Variants in MYO18B observed in about 807,000 individuals in gnomAD.
MYO18B encodes myosin XVIIIB.
Under a neutral mutation model 273.0 loss-of-function variants are expected in MYO18B, and 204 were observed. That is an observed-to-expected ratio of 0.75 (90% CI 0.67 to 0.84). The LOEUF is 0.84. MYO18B is among the 40% of genes least tolerant of loss of function. The pLI, the probability that MYO18B is intolerant of heterozygous loss-of-function variation, is 0.00. For missense variants in MYO18B, 3,212 were observed against 3,287.6 expected (o/e 0.98, Z 0.56); for synonymous variants, 1,330 against 1,305.7 (o/e 1.02, Z -0.40).
chr22:25,947,360 G>A (rs2092723936), intron 35 of MYO18B, among the ~76,000 whole-genome samples: 1 of 151,948 alleles, frequency 6.6e-6, no homozygotes, highest in South Asian at 2.1e-4. Context: ...AGAGCGCCGG[G>A]ATTTGCATTT....
intron 42 of MYO18B, among the ~76,000 whole-genome samples, chr22:26,008,832 T>G (rs12158670): frequency 2.5e-4 from 38 of 152,340 alleles, no homozygotes; most frequent in Middle Eastern, 3.4e-3. Context: ...CACTGCTCTG[T>G]GGATGAGAGT....
intron 25 of MYO18B, among the ~76,000 whole-genome samples, chr22:25,882,919 C>T (rs545796688): frequency 1.1e-4 from 17 of 152,146 alleles, no homozygotes; most frequent in African/African-American, 4.1e-4. Context: ...TTTTTTGAGA[C>T]AGAATCTCCC....
intron 37 of MYO18B, among the ~76,000 whole-genome samples, chr22:25,951,672 AC>A (rs1199910347): frequency 6.6e-6 from 1 of 152,176 alleles, no homozygotes. Flanking sequence ...CTCTTCTAGA[AC>A]CCTGGCATGC....
chr22:25,927,339 G>A (rs561260331), intron 34 of MYO18B, among the ~76,000 whole-genome samples: 4 of 152,250 alleles, frequency 2.6e-5, no homozygotes, highest in Non-Finnish European at 4.4e-5. Context: ...GTGCCTGGAG[G>A]TATAGGCTTA....
intron 40 of MYO18B, among the ~76,000 whole-genome samples, chr22:25,999,576 C>T (rs61413168): frequency 3.5e-5 from 4 of 112,818 alleles, no homozygotes; most frequent in African/African-American, 6.9e-5. Context: ...CTCCTCTTCC[C>T]CCTCCTCCTC....
At chr22:25,801,538 A>G (rs1456187587) in intron 12 of MYO18B, among the ~76,000 whole-genome samples, 1 of 152,186 alleles carries the variant, frequency 6.6e-6, no homozygotes, top group Non-Finnish European at 1.5e-5. Flanking sequence ...AGTCAGTGGC[A>G]AAAACTGTGG....
At position 25,903,527 on chromosome 22, in the gene MYO18B, G is replaced by A. The variant is rs1231400387; in HGVS notation, c.4948-104G>A. On this transcript the variant is annotated intron_variant, in intron 30 of 43. Coordinates refer to ENST00000335473, the MANE Select transcript of MYO18B (RefSeq NM_032608.7). Reference sequence around the variant, plus strand: ...AGGTGGAAATGGCAGGCATTGGAAAGTGGAAAACGCCACTCCAGCCCCAGT... The same window carrying A: ...AGGTGGAAATGGCAGGCATTGGAAAATGGAAAACGCCACTCCAGCCCCAGT... 4.9e-6 allele frequency: 6 copies of A among 1,215,270 alleles called. No individual in the cohort carries two copies. In the Admixed American group the frequency reaches 1.2e-4, roughly 24 times the overall value. The allele number at this position is 1,215,270 out of a possible 1,614,324, so 75.3% of individuals were successfully genotyped here.
At chr22:25,838,052 GTGT>G (rs1242347921) in intron 17 of MYO18B, among the ~76,000 whole-genome samples, 1 of 151,974 alleles carries the variant, frequency 6.6e-6, no homozygotes, top group East Asian at 1.9e-4. Context: ...TGCCCAGTGT[GTGT>G]TGTTCTCTCC....
intron 7 of MYO18B, among the ~76,000 whole-genome samples, chr22:25,773,288 T>G (rs1200058620): frequency 6.6e-6 from 1 of 151,822 alleles, no homozygotes; most frequent in Admixed American, 6.6e-5. Flanking sequence ...CCTTGTGGAG[T>G]TGCTGTTCTA....
intron 15 of MYO18B, among the ~76,000 whole-genome samples, chr22:25,829,365 A>G (rs2089619015): frequency 6.6e-6 from 1 of 152,104 alleles, no homozygotes; most frequent in African/African-American, 2.4e-5. Context: ...AGTGGGCTCC[A>G]CACCCCTCTG....
rs779321932 is a variant in MYO18B, at chr22:25,763,372, G to A, written c.181G>A (p.Ala61Thr). The part of the protein sequence containing the change: ...EARQRKQLAV[A>T]SPEREIPEIS... Reference sequence around the variant, plus strand: ...GAGACAGAGGAAGCAGTTAGCTGTCGCCTCTCCAGAACGAGAGGTAAGTGG... The same window carrying A: ...GAGACAGAGGAAGCAGTTAGCTGTCACCTCTCCAGAACGAGAGGTAAGTGG... The change falls in exon 3 of 44, where the codon GCC becomes ACC. Residue 61 changes from alanine to threonine, a missense_variant. Transcript: ENST00000335473. 29 of 1,611,204 alleles carry A rather than the reference G, an allele frequency of 1.8e-5. No individual in the cohort carries two copies. The highest frequency in any genetic ancestry group is 8.9e-5 in the East Asian group (4 of 44,858).
At chr22:26,002,906 T>C (rs1450993975) in intron 40 of MYO18B, among the ~76,000 whole-genome samples, 1 of 152,212 alleles carries the variant, frequency 6.6e-6, no homozygotes, top group Non-Finnish European at 1.5e-5. Context: ...AACATACAGC[T>C]AATACCTTGC....
chr22:25,930,839 G>A (rs1338508988), intron 34 of MYO18B, among the ~76,000 whole-genome samples: 2 of 152,154 alleles, frequency 1.3e-5, no homozygotes, highest in Non-Finnish European at 2.9e-5. Context: ...CTCAGGTGGA[G>A]CCACAAAGCC....
At chr22:26,035,724 A>G (rs528444823), downstream of MYO18B, among the ~76,000 whole-genome samples, 4 of 151,472 alleles carry the variant, frequency 2.6e-5, no homozygotes, top group Non-Finnish European at 5.9e-5. Context: ...TAACTGTCAA[A>G]CCTCTCCCTC....
Position 25,798,078 on chromosome 22 carries a change from T to C in MYO18B, c.2502T>C (p.Gly834=), listed in dbSNP as rs738643. The change falls in exon 12 of 44, where the codon GGT becomes GGC. Residue 834 remains glycine, a synonymous_variant. Coordinates refer to ENST00000335473, the MANE Select transcript of MYO18B (RefSeq NM_032608.7). ...WRVLAAIYHL[G]AAGACKVGRK... is the part of the protein sequence containing the mutation. ...TCCTGGCAGCCATCTACCACCTGGG[T>C]GCGGCGGGGGCCTGCAAAGGTACGT... 1,094,000 of 1,608,416 alleles carry C rather than the reference T, an allele frequency of 0.68. 378,037 individuals are homozygous for C. The highest frequency in any genetic ancestry group is 0.71 in the Non-Finnish European group (831,466 of 1,175,692).
intron 42 of MYO18B, among the ~76,000 whole-genome samples, chr22:26,017,030 TTCC>T (rs1935393059): frequency 5.3e-5 from 1 of 18,858 alleles, no homozygotes; most frequent in African/African-American, 6.8e-4. Context: ...GCTAATTTCC[TTCC>T]TTCCTTCCTT....
At chr22:25,753,395 C>T (rs2086003995) in intron 1 of MYO18B, among the ~76,000 whole-genome samples, 3 of 152,162 alleles carry the variant, frequency 2.0e-5, no homozygotes, top group African/African-American at 7.2e-5. Context: ...CTCTGTAAAA[C>T]GGACCAGTCA....
chr22:25,880,729 C>A (rs145323403), intron 25 of MYO18B, among the ~76,000 whole-genome samples: 1 of 152,360 alleles, frequency 6.6e-6, no homozygotes, highest in Non-Finnish European at 1.5e-5. Context: ...GGGAGACAGA[C>A]CACAAGCAAG....
intron 42 of MYO18B, among the ~76,000 whole-genome samples, chr22:26,022,655 G>A (rs911426170): frequency 2.6e-5 from 4 of 152,150 alleles, no homozygotes; most frequent in African/African-American, 7.2e-5. Flanking sequence ...TCTACACTAC[G>A]TGGCTTGTAT....
Sources: allele counts gnomAD v4.1 joint callset (sites outside exome capture counted in the v4.1 genomes callset), GRCh38; gene constraint gnomAD v4.1.1; transcripts MANE v1.5; gene names NCBI Gene and HGNC (gene_info 2026-07-23, HGNC 2026-07-21).